FOXP2: variants seen among roughly 807,000 people sequenced by gnomAD.
FOXP2 encodes the protein forkhead box P2, also known as forkhead box protein P2.
FOXP2 carries 12 observed loss-of-function variants against 115.8 expected under a neutral mutation model. The ratio of observed to expected loss-of-function variants is 0.10; its 90% CI spans 0.07 to 0.17. The LOEUF (loss-of-function observed/expected upper bound fraction) is 0.17. Ranked by LOEUF, FOXP2 falls within the 10% of genes least tolerant of loss-of-function variation. The pLI is 1.00. For synonymous variants in FOXP2, 328 were observed against 297.7 expected (o/e 1.10, Z -1.05); for missense variants, 629 against 843.5 (o/e 0.75, Z 3.15).
chr7:114,357,176 G>T (rs937763671), intron 2 of FOXP2, among the ~76,000 whole-genome samples: 1 of 152,068 alleles, frequency 6.6e-6, no homozygotes, highest in African/African-American at 2.4e-5. Flanking sequence ...ACTCTCATTT[G>T]CTGGGAATTT....
At chr7:114,146,458 G>A (rs1205853556) in intron 1 of FOXP2, among the ~76,000 whole-genome samples, 1 of 152,184 alleles carries the variant, frequency 6.6e-6, no homozygotes, top group Non-Finnish European at 1.5e-5. Context: ...GTGGATAAAT[G>A]AATGAGTCAC....
chr7:114,566,480 C>A (rs1323036582), intron 3 of FOXP2, among the ~76,000 whole-genome samples: 1 of 152,024 alleles, frequency 6.6e-6, no homozygotes, highest in African/African-American at 2.4e-5. Context: ...AAAAAAGAGT[C>A]TGGCACCTCC....
At chr7:114,321,999 G>C (rs1320412725) in intron 2 of FOXP2, among the ~76,000 whole-genome samples, 2 of 148,216 alleles carry the variant, frequency 1.3e-5, no homozygotes, top group African/African-American at 2.5e-5. Context: ...AAAAATAAAT[G>C]CCGTGAGAAT....
intron 1 of FOXP2, among the ~76,000 whole-genome samples, chr7:114,174,414 T>C (rs1793232915): frequency 6.6e-6 from 1 of 152,042 alleles, no homozygotes; most frequent in African/African-American, 2.4e-5. Context: ...TGTAACTTTA[T>C]GTTAACCTGA....
intron 2 of FOXP2, among the ~76,000 whole-genome samples, chr7:114,355,286 A>G (rs565994269): frequency 3.3e-5 from 5 of 152,244 alleles, no homozygotes; most frequent in African/African-American, 1.2e-4. Flanking sequence ...AGGTGATTCA[A>G]ATCTGGAATG....
At chr7:114,285,890 C>T (rs1166632315) in intron 1 of FOXP2, among the ~76,000 whole-genome samples, 1 of 151,862 alleles carries the variant, frequency 6.6e-6, no homozygotes, top group Non-Finnish European at 1.5e-5. Flanking sequence ...TCTCAGTTTA[C>T]CTATGAAATT....
intron 2 of FOXP2, among the ~76,000 whole-genome samples, chr7:114,529,860 G>A (rs908615378): frequency 1.3e-5 from 2 of 151,772 alleles, no homozygotes; most frequent in Non-Finnish European, 2.9e-5. Context: ...TATGAAGAAA[G>A]GCCAAACAGA....
At chr7:114,487,496 A>T (rs1449689550) in intron 2 of FOXP2, among the ~76,000 whole-genome samples, 1 of 152,164 alleles carries the variant, frequency 6.6e-6, no homozygotes, top group South Asian at 2.1e-4. Context: ...TGGGCCCCTC[A>T]TTACTTATGC....
chr7:114,606,666 A>T (rs1803349141), intron 3 of FOXP2, among the ~76,000 whole-genome samples: 1 of 152,216 alleles, frequency 6.6e-6, no homozygotes, highest in Non-Finnish European at 1.5e-5. Context: ...TTTAGAGAGG[A>T]AGCCTATGGT....
chr7:114,426,033 G>C (rs1793830536), intron 1 of FOXP2, among the ~76,000 whole-genome samples: 1 of 151,580 alleles, frequency 6.6e-6, no homozygotes, highest in African/African-American at 2.4e-5. Context: ...TGTATGATTA[G>C]CTGTGCATCA....
intron 1 of FOXP2, among the ~76,000 whole-genome samples, chr7:114,177,992 T>C (rs780395377): frequency 4.6e-5 from 7 of 151,956 alleles, no homozygotes; most frequent in Non-Finnish European, 1.0e-4. Flanking sequence ...ATATAATATA[T>C]TGCTAAATTT....
chr7:114,638,205 C>T lies in FOXP2; in HGVS notation c.776-4205C>T, dbSNP rs533820435. On this transcript the variant is annotated intron_variant, in intron 6 of 16. Coordinates refer to ENST00000350908, the MANE Select transcript of FOXP2 (RefSeq NM_014491.4). ...GTTTACACCTGGTATTTAAAACTTA[C>T]GCAAACTAGTGTAATTATAAAGAGT... is the stretch of plus-strand genomic sequence containing the variant. Among the ~76,000 whole-genome samples the T allele has an allele frequency of 4.6e-5, 7 of 152,124 alleles. No individual in the cohort carries two copies. The East Asian group carries it at 7.7e-4, about 17-fold the overall frequency.
chr7:114,529,444 T>C (rs887226718), intron 2 of FOXP2, among the ~76,000 whole-genome samples: 6 of 151,840 alleles, frequency 4.0e-5, no homozygotes, highest in Non-Finnish European at 7.4e-5. Flanking sequence ...GATTGGTAAA[T>C]AGGATGCTTT....
At chr7:114,372,428 G>T (rs1792035676) in intron 2 of FOXP2, among the ~76,000 whole-genome samples, 1 of 152,106 alleles carries the variant, frequency 6.6e-6, no homozygotes, top group Admixed American at 6.5e-5. Flanking sequence ...GACAACATGA[G>T]TAAACACAGC....
At chr7:114,095,343 C>A (rs1453668816) in intron 1 of FOXP2, among the ~76,000 whole-genome samples, 2 of 152,198 alleles carry the variant, frequency 1.3e-5, no homozygotes, top group Non-Finnish European at 2.9e-5. Flanking sequence ...CATGAACATA[C>A]ACTGAAGAAT....
chr7:114,125,926 C>T (rs1791695285), intron 1 of FOXP2, among the ~76,000 whole-genome samples: 1 of 152,016 alleles, frequency 6.6e-6, no homozygotes, highest in African/African-American at 2.4e-5. Flanking sequence ...AGAATGTTAC[C>T]TTAGTTTAGT....
upstream of FOXP2, among the ~76,000 whole-genome samples, chr7:114,413,393 C>G (rs928767482): frequency 2.0e-5 from 3 of 150,266 alleles, no homozygotes; most frequent in African/African-American, 7.4e-5. Flanking sequence ...TTGCTTTGTT[C>G]ACAATCTGAT....
At chr7:114,491,934 T>A (rs1484547572) in intron 2 of FOXP2, among the ~76,000 whole-genome samples, 2 of 152,200 alleles carry the variant, frequency 1.3e-5, no homozygotes, top group African/African-American at 4.8e-5. Context: ...ATAAAATGAG[T>A]TAGGGAGGAT....
intron 2 of FOXP2, among the ~76,000 whole-genome samples, chr7:114,490,511 T>TA (rs1796989908): frequency 6.7e-6 from 1 of 148,362 alleles, no homozygotes; most frequent in South Asian, 2.1e-4. Flanking sequence ...GTCATTACAC[T>TA]TTTTTTTTTA....
Sources: allele counts gnomAD v4.1 joint callset (sites outside exome capture counted in the v4.1 genomes callset), GRCh38; gene constraint gnomAD v4.1.1; transcripts MANE v1.5; gene names NCBI Gene and HGNC (gene_info 2026-07-23, HGNC 2026-07-21).